IGSF10: variants seen among roughly 807,000 people sequenced by gnomAD.
IGSF10 encodes the protein calvaria mechanical force protein 608.
In IGSF10, 126 loss-of-function variants were observed where a neutral mutation model predicts 128.2. That is an observed-to-expected ratio of 0.98 (90% confidence interval 0.85 to 1.14). The LOEUF is 1.14. Ranked by LOEUF, IGSF10 falls within the 50% of genes most tolerant of loss-of-function variation. The pLI, the probability that IGSF10 is intolerant of heterozygous loss-of-function variation, is 0.00. For synonymous variants in IGSF10, 1,185 were observed against 1,146.2 expected, an observed-to-expected ratio of 1.03 and a Z score of -0.68; for missense variants, 3,295 against 3,149.8, an observed-to-expected ratio of 1.05 and a Z score of -1.10.
At chr3:151,612,581 T>C in the IGSF10 span, among the ~76,000 whole-genome samples, 1 of 152,174 alleles carries the variant, frequency 6.6e-6, no homozygotes, top group African/African-American at 2.4e-5. Context: ...CATTCCCAGG[T>C]AATAGATATC....
At chr3:151,433,935 C>T (rs985316462), downstream of IGSF10, 2 of 152,522 alleles carry the variant, frequency 1.3e-5, no homozygotes, top group East Asian at 3.8e-4. Context: ...GAAATAGTAA[C>T]TATTTTAACT....
the IGSF10 span, among the ~76,000 whole-genome samples, chr3:151,604,644 A>T: frequency 7.3e-5 from 11 of 151,530 alleles, no homozygotes; most frequent in Non-Finnish European, 8.8e-5. Flanking sequence ...TATATAGTTT[A>T]AAAATATCTA....
chr3:151,549,639 C>G, the IGSF10 span, among the ~76,000 whole-genome samples: 1 of 152,156 alleles, frequency 6.6e-6, no homozygotes, highest in African/African-American at 2.4e-5. Context: ...AATTTTGCAA[C>G]TGTCATTTTC....
chr3:151,519,356 A>ATT, the IGSF10 span, among the ~76,000 whole-genome samples: 3 of 151,422 alleles, frequency 2.0e-5, no homozygotes, highest in Non-Finnish European at 3.0e-5. Context: ...CAAAAGTTAG[A>ATT]TTTTTAACTG....
intron 4 of IGSF10, among the ~76,000 whole-genome samples, chr3:151,454,206 T>C (rs544303329): frequency 2.9e-4 from 44 of 151,982 alleles, no homozygotes; most frequent in African/African-American, 9.9e-4. Flanking sequence ...TTAGTAGAGA[T>C]GGGGTTTCAC....
chr3:151,433,353 T>A (rs1450641829), downstream of IGSF10: 1 of 152,734 alleles, frequency 6.5e-6, no homozygotes, highest in African/African-American at 2.4e-5. Flanking sequence ...ATAAGCACTT[T>A]ATAAACTTTG....
the IGSF10 span, among the ~76,000 whole-genome samples, chr3:151,524,681 G>T: frequency 6.6e-6 from 1 of 152,134 alleles, no homozygotes; most frequent in Admixed American, 6.6e-5. Context: ...ATTGGGTACT[G>T]GGCTTAATAC....
chr3:151,602,580 T>A, the IGSF10 span, among the ~76,000 whole-genome samples: 1 of 152,152 alleles, frequency 6.6e-6, no homozygotes, highest in South Asian at 2.1e-4. Context: ...ACAATTTCAT[T>A]TTTTGATCTC....
chr3:151,552,578 T>C, the IGSF10 span, among the ~76,000 whole-genome samples: 1 of 152,182 alleles, frequency 6.6e-6, no homozygotes, highest in African/African-American at 2.4e-5. Context: ...GAGGAGGTTC[T>C]CAATCTTCTT....
chr3:151,449,738 A>T (rs1475241742), intron 5 of IGSF10, among the ~76,000 whole-genome samples: 1 of 152,220 alleles, frequency 6.6e-6, no homozygotes, highest in East Asian at 1.9e-4. Flanking sequence ...GGGTATCATT[A>T]AAAAACCCAA....
chr3:151,545,664 T>C, the IGSF10 span, among the ~76,000 whole-genome samples: 1 of 152,244 alleles, frequency 6.6e-6, no homozygotes, highest in Non-Finnish European at 1.5e-5. Flanking sequence ...AGAACCGGCC[T>C]TCCATCTGTT....
At chr3:151,587,602 C>T in the IGSF10 span, among the ~76,000 whole-genome samples, 3 of 151,932 alleles carry the variant, frequency 2.0e-5, no homozygotes, top group African/African-American at 7.3e-5. Context: ...TAACACTTGC[C>T]AAAATTCCTA....
the IGSF10 span, among the ~76,000 whole-genome samples, chr3:151,590,614 G>A: frequency 6.6e-6 from 1 of 152,188 alleles, no homozygotes; most frequent in African/African-American, 2.4e-5. Flanking sequence ...AAAAAAATGT[G>A]AGAGTGGAGG....
chr3:151,577,570 ACATAT>A, the IGSF10 span, among the ~76,000 whole-genome samples: 2 of 152,230 alleles, frequency 1.3e-5, no homozygotes, highest in African/African-American at 2.4e-5. Context: ...TTTAAAAACT[ACATAT>A]CATATTAAAT....
At chr3:151,599,541 C>T in the IGSF10 span, among the ~76,000 whole-genome samples, 4 of 152,068 alleles carry the variant, frequency 2.6e-5, no homozygotes, top group African/African-American at 4.8e-5. Context: ...GCCCATGGGC[C>T]ACATTTGACT....
chr3:151,479,118 G>T, the IGSF10 span, among the ~76,000 whole-genome samples: 137 of 152,264 alleles, frequency 9.0e-4, no homozygotes, highest in African/African-American at 3.2e-3. Flanking sequence ...CTAGGTCAAA[G>T]AAATCCCAGT....
chr3:151,569,629 C>T, the IGSF10 span, among the ~76,000 whole-genome samples: 1 of 151,924 alleles, frequency 6.6e-6, no homozygotes, highest in African/African-American at 2.4e-5. Context: ...AAAGTCCTGC[C>T]CTGGTTCAAG....
the IGSF10 span, among the ~76,000 whole-genome samples, chr3:151,603,186 A>G: frequency 6.6e-6 from 1 of 152,176 alleles, no homozygotes; most frequent in African/African-American, 2.4e-5. Context: ...ACCAGTCCTA[A>G]GGAGGAGTGA....
the IGSF10 span, among the ~76,000 whole-genome samples, chr3:151,490,592 T>G: frequency 6.6e-6 from 1 of 152,004 alleles, no homozygotes; most frequent in African/African-American, 2.4e-5. Context: ...CTAGCATTCA[T>G]AAAACATTCT....
Sources: gnomAD v4.1 joint callset for allele counts (sites outside exome capture counted in the v4.1 genomes callset) on GRCh38, gnomAD v4.1.1 for gene constraint, MANE v1.5 for transcripts, NCBI Gene and HGNC (gene_info 2026-07-23, HGNC 2026-07-21) for gene names.